TUFT1: variants seen among roughly 807,000 people sequenced by gnomAD.
TUFT1 encodes tuftelin 1, also known as tuftelin.
TUFT1 carries 43 observed loss-of-function variants against 57.8 expected under a neutral mutation model. That is an observed-to-expected ratio of 0.74 (90% CI 0.58 to 0.96). The LOEUF (loss-of-function observed/expected upper bound fraction) is 0.96. TUFT1 is among the 40% of genes least tolerant of loss of function. The pLI is 0.00. For missense variants in TUFT1, 459 were observed against 489.0 expected, an observed-to-expected ratio of 0.94 and a Z score of 0.58; for synonymous variants, 166 against 176.7, an observed-to-expected ratio of 0.94 and a Z score of 0.48.
chr1:151,561,460 TGCGCGCGC>T (rs113125642), intron 1 of TUFT1: 4,273 of 385,108 alleles, frequency 0.011, 354 homozygotes, highest in Middle Eastern at 0.014. Context: ...GCTGCAGTCA[TGCGCGCGC>T]GCGCGCACAC....
intron 1 of TUFT1, among the ~76,000 whole-genome samples, chr1:151,548,340 G>T (rs1571686685): frequency 1.6e-5 from 2 of 124,224 alleles, no homozygotes; most frequent in African/African-American, 6.1e-5. Context: ...GTCTTGCTCT[G>T]TCACCAGGCT....
intron 10 of TUFT1, among the ~76,000 whole-genome samples, 189 bp from the exon 11 acceptor site, chr1:151,579,460 A>T (rs1346572423): frequency 6.6e-6 from 1 of 151,802 alleles, no homozygotes; most frequent in African/African-American, 2.4e-5. Flanking sequence ...CCCCTCACAC[A>T]CTCCTCACTC....
intron 1 of TUFT1, among the ~76,000 whole-genome samples, chr1:151,552,314 A>C (rs1046180238): frequency 6.6e-6 from 1 of 152,226 alleles, no homozygotes; most frequent in Non-Finnish European, 1.5e-5. Flanking sequence ...TTTCTAGTAT[A>C]CATGCTTTTA....
chr1:151,564,762 A>C (rs540013209), intron 5 of TUFT1, 148 bp downstream of exon 5: 1 of 666,726 alleles, frequency 1.5e-6, no homozygotes, highest in East Asian at 2.8e-5. Flanking sequence ...TCTCTGGAGC[A>C]CTCACAATCT....
At chr1:151,547,354 A>T (rs1665372386) in intron 1 of TUFT1, among the ~76,000 whole-genome samples, 1 of 152,326 alleles carries the variant, frequency 6.6e-6, no homozygotes, top group East Asian at 1.9e-4. Context: ...AGTTCCAGAC[A>T]CGTGTGCTCA....
intron 1 of TUFT1, among the ~76,000 whole-genome samples, chr1:151,546,720 T>G (rs926554111): frequency 1.3e-5 from 2 of 152,248 alleles, no homozygotes; most frequent in African/African-American, 4.8e-5. Context: ...TTTTTATGGC[T>G]GAATAATATT....
At chr1:151,574,853 C>T in intron 8 of TUFT1, 58 bp from the exon 9 acceptor site, 1 of 1,465,246 alleles carries the variant, frequency 6.8e-7, no homozygotes. Context: ...CATCTTAGCC[C>T]AAACGCAGAA....
At chr1:151,576,768 C>T (rs1033099508) in intron 9 of TUFT1, among the ~76,000 whole-genome samples, 7 of 152,208 alleles carry the variant, frequency 4.6e-5, no homozygotes, top group South Asian at 2.1e-4. Context: ...GGACTACAGG[C>T]GTGTGCCACC....
intron 7 of TUFT1, among the ~76,000 whole-genome samples, chr1:151,571,561 T>A (rs1212174475): frequency 2.0e-5 from 3 of 152,168 alleles, no homozygotes; most frequent in Non-Finnish European, 4.4e-5. Flanking sequence ...ATGTTGCATC[T>A]ATTTCAGATT....
At chr1:151,545,758 G>A (rs769525916) in intron 1 of TUFT1, 3 of 506,838 alleles carry the variant, frequency 5.9e-6, no homozygotes, top group Non-Finnish European at 8.3e-6. Context: ...AGAGTCCCAG[G>A]GGTGAGAGGA....
chr1:151,549,774 GT>G (rs2102521472), intron 1 of TUFT1, among the ~76,000 whole-genome samples: 1 of 152,314 alleles, frequency 6.6e-6, no homozygotes, highest in East Asian at 1.9e-4. Context: ...CTGGGTTGGA[GT>G]GCATGGCACA....
At position 151,582,712 on chromosome 1, in the gene TUFT1, TTC is replaced by T. The variant is rs973407515; in HGVS notation, c.*1011_*1012del. On this transcript the variant is annotated 3_prime_UTR_variant, in exon 13 of 13. Transcript: ENST00000368849. ...TCTCTCCCTTTCCTCTGCCTGTTTC[TTC>T]TCTCTTTCTCCTTCAAACTTGCTCT... 3 of 154,568 alleles carry T rather than the reference TTC, an allele frequency of 1.9e-5. No individual in the cohort carries two copies. The highest frequency in any genetic ancestry group is 7.2e-5 in the African/African-American group (3 of 41,444). 9.6% of individuals were successfully genotyped at this position (154,568 alleles called of 1,614,324 possible).
chr1:151,546,897 G>A (rs1002670796), intron 1 of TUFT1, among the ~76,000 whole-genome samples: 1 of 152,174 alleles, frequency 6.6e-6, no homozygotes, highest in Non-Finnish European at 1.5e-5. Context: ...ATACCTAGGA[G>A]TGGGATTGCT....
chr1:151,574,283 G>A lies in TUFT1; in HGVS notation c.608G>A (p.Arg203Gln), dbSNP rs752151323. 2.5e-6 allele frequency: 4 copies of A among 1,613,762 alleles called. No homozygotes were observed. The highest frequency in any genetic ancestry group is 2.2e-5 in the East Asian group (1 of 44,878). Residue 203 changes from arginine to glutamine, a missense_variant, in exon 8 of 13, where the codon CGG becomes CAG. Coordinates refer to ENST00000368849, the MANE Select transcript of TUFT1 (RefSeq NM_020127.3). ...DCVAFEVTLSRYQREAEQSNV... is the reference protein window; with the variant it reads ...DCVAFEVTLSQYQREAEQSNV... Reference sequence around the variant, plus strand: ...TCCGTGTTTTAGGTCACACTCAGCCGGTACCAGAGGGAAGCAGAACAAAGT... The same window carrying A: ...TCCGTGTTTTAGGTCACACTCAGCCAGTACCAGAGGGAAGCAGAACAAAGT...
At chr1:151,546,439 A>G (rs939194702) in intron 1 of TUFT1, among the ~76,000 whole-genome samples, 3 of 152,222 alleles carry the variant, frequency 2.0e-5, no homozygotes, top group Non-Finnish European at 4.4e-5. Context: ...GTACATTCAC[A>G]GAGTTGTGCA....
At chr1:151,557,002 G>A (rs1665721833) in intron 1 of TUFT1, among the ~76,000 whole-genome samples, 1 of 152,162 alleles carries the variant, frequency 6.6e-6, no homozygotes, top group African/African-American at 2.4e-5. Flanking sequence ...TGAGATTACA[G>A]ATGTGAGCTA....
intron 2 of TUFT1, 103 bp from the exon 3 acceptor site, chr1:151,562,482 A>C: frequency 2.0e-6 from 2 of 1,016,642 alleles, no homozygotes; most frequent in Non-Finnish European, 3.0e-6. Context: ...TCTTTTGAGA[A>C]ACAGGTCTTC....
chr1:151,568,455 A>G (rs1666148364), intron 6 of TUFT1, among the ~76,000 whole-genome samples: 1 of 152,136 alleles, frequency 6.6e-6, no homozygotes, highest in African/African-American at 2.4e-5. Flanking sequence ...GTACTTTTAT[A>G]ACTTACTTTT....
chr1:151,541,638 G>A (rs1665170594), intron 1 of TUFT1, among the ~76,000 whole-genome samples: 1 of 152,122 alleles, frequency 6.6e-6, no homozygotes, highest in Non-Finnish European at 1.5e-5. Flanking sequence ...AATACAGATG[G>A]TCATTTAGTT....
Sources: gnomAD v4.1 joint callset for allele counts (sites outside exome capture counted in the v4.1 genomes callset) on GRCh38, gnomAD v4.1.1 for gene constraint, MANE v1.5 for transcripts, NCBI Gene and HGNC (gene_info 2026-07-23, HGNC 2026-07-21) for gene names.